OPA1: variants seen among roughly 807,000 people sequenced by gnomAD.
OPA1 encodes the protein OPA1 mitochondrial dynamin like GTPase.
A neutral mutation model predicts 152.9 loss-of-function variants in OPA1; 59 were observed. That is an observed-to-expected ratio of 0.39 (90% CI 0.31 to 0.48). The LOEUF (loss-of-function observed/expected upper bound fraction) is 0.48. Ranked by LOEUF, OPA1 falls within the 20% of genes least tolerant of loss-of-function variation. The pLI, the probability that OPA1 is intolerant of heterozygous loss-of-function variation, is 0.96. For missense variants in OPA1, 1,008 were observed against 1,216.8 expected (o/e 0.83, Z 2.55); for synonymous variants, 400 against 389.9 (o/e 1.03, Z -0.31).
chr3:193,649,546 CTG>C (rs546745832), intron 21 of OPA1, among the ~76,000 whole-genome samples: 11 of 152,076 alleles, frequency 7.2e-5, no homozygotes, highest in Admixed American at 5.2e-4. Flanking sequence ...CTAATGAAGA[CTG>C]TGGTATTTTT....
At chr3:193,637,147 TTCTTTA>T in intron 9 of OPA1, 42 bp from the exon 10 acceptor site, 2 of 1,013,732 alleles carry the variant, frequency 2.0e-6, no homozygotes, top group East Asian at 5.3e-5. Flanking sequence ...TTATATTTTT[TTCTTTA>T]CTTTTACTGT....
intron 11 of OPA1, among the ~76,000 whole-genome samples, chr3:193,640,966 G>A (rs1733695610): frequency 6.6e-6 from 1 of 152,070 alleles, no homozygotes; most frequent in Non-Finnish European, 1.5e-5. Context: ...CGTGTTATGT[G>A]TTACTAGTTC....
rs561922789 is a variant in OPA1, at chr3:193,686,774, A to G, written c.2984-5289A>G. Among the ~76,000 whole-genome samples the G allele has an allele frequency of 3.7e-4, 57 of 152,344 alleles. 1 individual carries two copies. The highest frequency in any genetic ancestry group is 1.1e-3 in the African/African-American group (47 of 41,586). ...AGTACTCTAGTGAATAGCTTTCTAC[A>G]GTAGAATCTCACTTAGAGGGTGTCT... On this transcript the variant is annotated intron_variant, in intron 29 of 30. Transcript: ENST00000361510.
intron 1 of OPA1, among the ~76,000 whole-genome samples, chr3:193,604,598 C>A (rs1305838850): frequency 6.6e-6 from 1 of 152,112 alleles, no homozygotes; most frequent in African/African-American, 2.4e-5. Flanking sequence ...TGGTGGCTAA[C>A]GCCTGTAATC....
At chr3:193,670,856 T>C (rs1304174696) in intron 29 of OPA1, among the ~76,000 whole-genome samples, 1 of 152,122 alleles carries the variant, frequency 6.6e-6, no homozygotes, top group Non-Finnish European at 1.5e-5. Context: ...GGAGATATGG[T>C]AGATTCCATA....
intron 29 of OPA1, among the ~76,000 whole-genome samples, chr3:193,670,294 T>C (rs1470014396): frequency 2.0e-5 from 3 of 152,154 alleles, no homozygotes; most frequent in Non-Finnish European, 4.4e-5. Flanking sequence ...GAATATTGTA[T>C]AGAGTGTTAA....
intron 29 of OPA1, among the ~76,000 whole-genome samples, chr3:193,691,188 GCCAA>G (rs1341819768): frequency 6.6e-6 from 1 of 152,158 alleles, no homozygotes; most frequent in Non-Finnish European, 1.5e-5. Context: ...ACCACTGCAC[GCCAA>G]CCTGGGCGAC....
rs1722207445 is a variant in OPA1 at position 193,695,846 on chromosome 3, T to G, written c.*1246T>G. 1 of 152,220 alleles carries G rather than the reference T, an allele frequency of 6.6e-6. No individual in the cohort carries two copies. The highest frequency in any genetic ancestry group is 6.5e-5 in the Admixed American group (1 of 15,286). 9.4% of individuals were successfully genotyped at this position (152,220 alleles called of 1,614,324 possible). ...CCATTGCTACTCCCCATTTTATTGTTTTACATCAATGCATGCTTCGTTGTG... is the reference window on the plus strand; with the variant it reads ...CCATTGCTACTCCCCATTTTATTGTGTTACATCAATGCATGCTTCGTTGTG... On this transcript the variant is annotated 3_prime_UTR_variant, in exon 31 of 31. Coordinates refer to ENST00000361510, the MANE Select transcript of OPA1 (RefSeq NM_130837.3).
At chr3:193,688,845 G>T (rs974539991) in intron 29 of OPA1, among the ~76,000 whole-genome samples, 2 of 152,082 alleles carry the variant, frequency 1.3e-5, no homozygotes, top group Non-Finnish European at 2.9e-5. Context: ...AATTAGCCAG[G>T]TGTGGTGCTG....
At chr3:193,666,620 T>A (rs975482042) in intron 28 of OPA1, among the ~76,000 whole-genome samples, 1 of 152,054 alleles carries the variant, frequency 6.6e-6, no homozygotes, top group African/African-American at 2.4e-5. Flanking sequence ...AGACTCTATC[T>A]CTACAAACAA....
chr3:193,667,085 C>G, intron 28 of OPA1, 85 bp from the exon 29 acceptor site: 1 of 724,270 alleles, frequency 1.4e-6, no homozygotes. Flanking sequence ...AAAAAATTTA[C>G]TCTCCATATA....
chr3:193,694,348 C>T (rs1169509954), intron 30 of OPA1, among the ~76,000 whole-genome samples: 3 of 152,144 alleles, frequency 2.0e-5, no homozygotes, highest in South Asian at 4.1e-4. Context: ...CTAATATTTG[C>T]TGAAGGTGTT....
intron 1 of OPA1, among the ~76,000 whole-genome samples, chr3:193,601,421 C>A (rs1264455659): frequency 6.6e-6 from 1 of 152,210 alleles, no homozygotes; most frequent in South Asian, 2.1e-4. Flanking sequence ...GGAGGCAGAA[C>A]AGAATATGCA....
At chr3:193,605,268 A>G (rs1727086900) in intron 1 of OPA1, among the ~76,000 whole-genome samples, 1 of 152,226 alleles carries the variant, frequency 6.6e-6, no homozygotes, top group South Asian at 2.1e-4. Context: ...TTGGGACTAC[A>G]GGAAATCTTG....
intron 5 of OPA1, chr3:193,618,485 C>CA (rs1195114885): frequency 0.026 from 4,555 of 175,950 alleles, no homozygotes; most frequent in South Asian, 0.064. Context: ...CCCCCACCCC[C>CA]AAAAAAAAAA....
chr3:193,648,667 C>T, intron 20 of OPA1, 128 bp from the exon 21 acceptor site: 6 of 659,566 alleles, frequency 9.1e-6, no homozygotes, highest in African/African-American at 1.8e-5. Flanking sequence ...TGCATTTTTG[C>T]TAGTCATGTA....
At chr3:193,594,128 C>T (rs1249079955) in intron 1 of OPA1, among the ~76,000 whole-genome samples, 1 of 152,130 alleles carries the variant, frequency 6.6e-6, no homozygotes, top group African/African-American at 2.4e-5. Flanking sequence ...GAAATCTTTT[C>T]ATTTCTGTGC....
chr3:193,669,418 A>T (rs1285522937), intron 29 of OPA1, among the ~76,000 whole-genome samples: 1 of 152,168 alleles, frequency 6.6e-6, no homozygotes, highest in African/African-American at 2.4e-5. Flanking sequence ...CTAACGTAGA[A>T]GATTAGTGCT....
intron 29 of OPA1, among the ~76,000 whole-genome samples, chr3:193,689,346 G>T (rs975264457): frequency 6.6e-6 from 1 of 152,094 alleles, no homozygotes; most frequent in African/African-American, 2.4e-5. Context: ...TTACTTCCTG[G>T]TAACTTAGTT....
Sources: allele counts gnomAD v4.1 joint callset (sites outside exome capture counted in the v4.1 genomes callset), GRCh38; gene constraint gnomAD v4.1.1; transcripts MANE v1.5; gene names NCBI Gene and HGNC (gene_info 2026-07-23, HGNC 2026-07-21).